The following APBB2 variants were observed in gnomAD, a reference collection of about 807,000 sequenced individuals.
APBB2 encodes amyloid beta precursor protein binding family B member 2.
A neutral mutation model predicts 82.5 loss-of-function variants in APBB2; 38 were observed. The observed-to-expected ratio is 0.46, with a 90% confidence interval of 0.36 to 0.60. The LOEUF (loss-of-function observed/expected upper bound fraction) is 0.60. Among genes scored for constraint, APBB2 ranks in the 20% least tolerant of loss-of-function variants. The pLI is 0.00. For synonymous variants in APBB2, 341 were observed against 368.2 expected, an observed-to-expected ratio of 0.93 and a Z score of 0.85; for missense variants, 772 against 972.3, an observed-to-expected ratio of 0.79 and a Z score of 2.74.
At chr4:41,080,966 G>T (rs1737401797) in intron 3 of APBB2, among the ~76,000 whole-genome samples, 1 of 152,098 alleles carries the variant, frequency 6.6e-6, no homozygotes, top group Admixed American at 6.5e-5. Flanking sequence ...AGGCCAGGCT[G>T]GCCTGGAACT....
At chr4:40,833,158 C>T (rs1289744326) in intron 12 of APBB2, among the ~76,000 whole-genome samples, 3 of 152,230 alleles carry the variant, frequency 2.0e-5, no homozygotes, top group Admixed American at 1.3e-4. Flanking sequence ...AAATACACCA[C>T]GTCTCCCGGC....
intron 6 of APBB2, among the ~76,000 whole-genome samples, chr4:40,961,667 TAAAAAAAAAA>T (rs60942744): frequency 2.9e-5 from 2 of 68,248 alleles, no homozygotes; most frequent in Non-Finnish European, 5.1e-5. Context: ...AAAAAAGATG[TAAAAAAAAAA>T]AAAAAAAAAA....
chr4:40,815,890 A>G lies in APBB2; in HGVS notation c.*202T>C, dbSNP rs1410779398. The stretch of plus-strand genomic sequence containing the variant: ...CTGCGCATGATGTAACTTACAGCAA[A>G]AAAAATTATTCATGCTTCTTTTCAT... On this transcript the variant is annotated 3_prime_UTR_variant, in exon 18 of 18. Transcript: ENST00000508593. 11 of 603,276 alleles carry G rather than the reference A, an allele frequency of 1.8e-5. No homozygotes were observed. In the Admixed American group the frequency reaches 3.3e-4, roughly 18 times the overall value. 37.4% of individuals were successfully genotyped at this position (603,276 alleles called of 1,614,324 possible).
intron 2 of APBB2, among the ~76,000 whole-genome samples, chr4:41,111,288 T>C (rs902396730): frequency 3.9e-5 from 6 of 152,206 alleles, no homozygotes; most frequent in African/African-American, 1.4e-4. Flanking sequence ...AACTTAGGGG[T>C]TGGGGACCCC....
chr4:41,090,111 C>T (rs1741183952), intron 3 of APBB2, among the ~76,000 whole-genome samples: 1 of 152,130 alleles, frequency 6.6e-6, no homozygotes, highest in Non-Finnish European at 1.5e-5. Context: ...CCACCATTTT[C>T]ATCAGAAGAC....
rs114225834 is a variant in APBB2 at position 41,139,173 on chromosome 4, G to A, written c.-261+3814C>T. ...CATAAGAGCTCTTAATATTGAACTAGAAAGTCAACATAATCTCTTATCAAA... is the reference window on the plus strand; with the variant it reads ...CATAAGAGCTCTTAATATTGAACTAAAAAGTCAACATAATCTCTTATCAAA... On this transcript the variant is annotated intron_variant, in intron 2 of 17. Transcript: ENST00000508593. 3.3e-3 allele frequency among the ~76,000 whole-genome samples: 505 copies of A among 151,410 alleles called. 2 individuals are homozygous for A. The highest frequency in any genetic ancestry group is 0.012 in the African/African-American group (490 of 40,860).
intron 3 of APBB2, among the ~76,000 whole-genome samples, chr4:41,083,084 G>T (rs913063952): frequency 6.6e-6 from 1 of 152,150 alleles, no homozygotes; most frequent in African/African-American, 2.4e-5. Flanking sequence ...AAAATGGCGT[G>T]AACCCGGGAG....
At chr4:41,111,413 A>G (rs1410554386) in intron 2 of APBB2, among the ~76,000 whole-genome samples, 3 of 152,262 alleles carry the variant, frequency 2.0e-5, no homozygotes, top group African/African-American at 7.2e-5. Context: ...CAAGTTCCCA[A>G]GAGATAGCAA....
At chr4:41,177,327 G>C (rs922595745) in intron 1 of APBB2, among the ~76,000 whole-genome samples, 1 of 152,142 alleles carries the variant, frequency 6.6e-6, no homozygotes, top group Admixed American at 6.5e-5. Flanking sequence ...CAGTTATTCT[G>C]GTTATGAAAC....
At chr4:41,073,234 T>C (rs1427877763) in intron 3 of APBB2, among the ~76,000 whole-genome samples, 2 of 152,172 alleles carry the variant, frequency 1.3e-5, no homozygotes, top group Non-Finnish European at 1.5e-5. Flanking sequence ...GAACAACTAC[T>C]CCTGAATTTT....
At chr4:41,041,761 T>A (rs1246734674) in intron 4 of APBB2, among the ~76,000 whole-genome samples, 1 of 152,102 alleles carries the variant, frequency 6.6e-6, no homozygotes, top group African/African-American at 2.4e-5. Flanking sequence ...CAAAACCAGT[T>A]CCAAGAACAC....
At chr4:40,894,014 C>T (rs934757509) in intron 10 of APBB2, among the ~76,000 whole-genome samples, 2 of 151,154 alleles carry the variant, frequency 1.3e-5, no homozygotes. Context: ...GAGGGCCGGG[C>T]GCGGTGGCTC....
At chr4:40,866,793 C>T (rs534614213) in intron 12 of APBB2, among the ~76,000 whole-genome samples, 1 of 152,296 alleles carries the variant, frequency 6.6e-6, no homozygotes, top group East Asian at 1.9e-4. Context: ...TCTCTACTCA[C>T]TGAAACCTCC....
chr4:40,846,703 G>A (rs1757776969), intron 12 of APBB2, among the ~76,000 whole-genome samples: 1 of 152,142 alleles, frequency 6.6e-6, no homozygotes, highest in Non-Finnish European at 1.5e-5. Context: ...GAAGTGTAAA[G>A]CCAGGAGTTA....
intron 4 of APBB2, among the ~76,000 whole-genome samples, chr4:41,049,481 G>A (rs1437010845): frequency 8.9e-5 from 13 of 146,000 alleles, no homozygotes; most frequent in South Asian, 4.4e-4. Flanking sequence ...GCCCCCGCCC[G>A]GCCAGCCGCC....
intron 1 of APBB2, among the ~76,000 whole-genome samples, chr4:41,187,675 C>T (rs1292901228): frequency 1.3e-5 from 2 of 152,184 alleles, no homozygotes; most frequent in Non-Finnish European, 2.9e-5. Context: ...TTTATGTACA[C>T]ACATACACAT....
intron 6 of APBB2, among the ~76,000 whole-genome samples, chr4:40,984,227 G>A (rs1799829357): frequency 6.6e-6 from 1 of 152,126 alleles, no homozygotes; most frequent in African/African-American, 2.4e-5. Context: ...TGGATGAAAT[G>A]CCAGGAGCTG....
chr4:40,852,614 C>G (rs1162398603), intron 12 of APBB2, among the ~76,000 whole-genome samples: 1 of 151,844 alleles, frequency 6.6e-6, no homozygotes, highest in Non-Finnish European at 1.5e-5. Flanking sequence ...CTCATCTACA[C>G]TGGAGAACCA....
chr4:40,996,080 C>T (rs1803560776), intron 6 of APBB2, among the ~76,000 whole-genome samples: 2 of 152,208 alleles, frequency 1.3e-5, no homozygotes, highest in Non-Finnish European at 2.9e-5. Context: ...AGATTCTGAA[C>T]ATCAGTTTGT....
Sources: gnomAD v4.1 joint callset for allele counts (sites outside exome capture counted in the v4.1 genomes callset) on GRCh38, gnomAD v4.1.1 for gene constraint, MANE v1.5 for transcripts, NCBI Gene and HGNC (gene_info 2026-07-23, HGNC 2026-07-21) for gene names.